The following BTG4 variants were observed in gnomAD, a reference collection of about 807,000 sequenced individuals.
BTG4 encodes the protein BTG anti-proliferation factor 4.
BTG4 carries 10 observed loss-of-function variants against 19.3 expected under a neutral mutation model. That is an observed-to-expected ratio of 0.52 (90% CI 0.32 to 0.88). BTG4 has a LOEUF of 0.88. BTG4 is among the 40% of genes least tolerant of loss of function. The probability of loss-of-function intolerance (pLI) is 0.04; values close to 1 mark genes in which losing one functional copy is unlikely to be tolerated. For synonymous variants in BTG4, 91 were observed against 95.7 expected, an observed-to-expected ratio of 0.95 and a Z score of 0.29; for missense variants, 238 against 281.9, an observed-to-expected ratio of 0.84 and a Z score of 1.11.
At chr11:111,407,558 C>G in the BTG4 span, among the ~76,000 whole-genome samples, 1,910 of 152,162 alleles carry the variant, frequency 0.013, 33 homozygotes, top group African/African-American at 0.042. Flanking sequence ...TGTAATCCCA[C>G]CTACTTGGGA....
the BTG4 span, among the ~76,000 whole-genome samples, chr11:111,439,586 T>A: frequency 6.6e-6 from 1 of 151,900 alleles, no homozygotes; most frequent in Non-Finnish European, 1.5e-5. Flanking sequence ...CCTATGTGTC[T>A]CTCAGGACCT....
intron 5 of BTG4, among the ~76,000 whole-genome samples, chr11:111,471,484 A>C (rs36091463): frequency 0.084 from 12,712 of 152,032 alleles, 750 homozygotes; most frequent in Non-Finnish European, 0.13. Flanking sequence ...CCTCCTTGAC[A>C]TATTTTTTTC....
At chr11:111,485,151 T>G (rs537462440) in intron 5 of BTG4, among the ~76,000 whole-genome samples, 1 of 152,026 alleles carries the variant, frequency 6.6e-6, no homozygotes, top group Non-Finnish European at 1.5e-5. Flanking sequence ...TGGACCTCAA[T>G]ACAATATCTG....
At chr11:111,506,490 G>A (rs1171714688) in intron 1 of BTG4, among the ~76,000 whole-genome samples, 1 of 152,002 alleles carries the variant, frequency 6.6e-6, no homozygotes, top group African/African-American at 2.4e-5. Flanking sequence ...AGGTGGGTGG[G>A]GAGGGTTGAA....
At chr11:111,464,163 AT>A, downstream of BTG4, among the ~76,000 whole-genome samples, 1 of 151,870 alleles carries the variant, frequency 6.6e-6, no homozygotes, top group East Asian at 1.9e-4. Flanking sequence ...TGCCCAGCTA[AT>A]TTTTTTGTAT....
the BTG4 span, among the ~76,000 whole-genome samples, chr11:111,407,261 ATATAT>A: frequency 4.0e-5 from 6 of 149,876 alleles, no homozygotes; most frequent in East Asian, 1.9e-4. Flanking sequence ...CATATCTAAC[ATATAT>A]TATATATACT....
intron 1 of BTG4, among the ~76,000 whole-genome samples, chr11:111,501,566 G>T (rs1003622926): frequency 6.6e-6 from 1 of 152,030 alleles, no homozygotes; most frequent in African/African-American, 2.4e-5. Context: ...GCAGAGAAAA[G>T]GATACAAAAA....
At chr11:111,406,123 G>C in the BTG4 span, among the ~76,000 whole-genome samples, 1 of 152,146 alleles carries the variant, frequency 6.6e-6, no homozygotes, top group African/African-American at 2.4e-5. Context: ...TAAGTGACTT[G>C]CTAAAAATCA....
At chr11:111,390,942 G>A in the BTG4 span, among the ~76,000 whole-genome samples, 1 of 152,324 alleles carries the variant, frequency 6.6e-6, no homozygotes, top group African/African-American at 2.4e-5. Flanking sequence ...GAGTTTGGAT[G>A]GCCCAATTTA....
At chr11:111,504,602 C>T (rs1487210582) in intron 1 of BTG4, among the ~76,000 whole-genome samples, 2 of 151,878 alleles carry the variant, frequency 1.3e-5, no homozygotes, top group Admixed American at 6.6e-5. Flanking sequence ...CAACATAGTA[C>T]TGGAAGTCCT....
intron 5 of BTG4, among the ~76,000 whole-genome samples, chr11:111,470,764 TA>T (rs1341073151): frequency 6.6e-6 from 1 of 151,484 alleles, no homozygotes; most frequent in Non-Finnish European, 1.5e-5. Flanking sequence ...AAAAATAAAA[TA>T]AAAATAAATT....
the BTG4 span, chr11:111,454,476 T>C: frequency 1.1e-5 from 4 of 365,100 alleles, no homozygotes; most frequent in South Asian, 8.4e-5. Flanking sequence ...ATATGGAACA[T>C]AGAGTCCTAA....
Position 111,498,640 on chromosome 11 carries a change from C to A in BTG4, c.137G>T (p.Trp46Leu). The A allele has an allele frequency of 6.2e-7, 1 of 1,613,726 alleles. No homozygotes were observed. The highest frequency in any genetic ancestry group is 1.1e-5 in the South Asian group (1 of 90,920). The part of the protein sequence containing the change: ...TILFETYRSH[W>L]HSDCPSKGQA... ...CCCTTTAGAAGGGCAATCAGAGTGC[C>A]AGTGACTTCTGTATGTTTCAAACAA... The change falls in exon 2 of 5, where the codon TGG becomes TTG. Residue 46 changes from tryptophan (W) to leucine (L), a missense_variant. Physicochemically the swap from Trp to Leu is moderately conservative, Grantham distance 61 (BLOSUM62 -2). Coordinates refer to ENST00000692032, the MANE Select transcript of BTG4 (RefSeq NM_001367975.1).
At chr11:111,412,203 A>C in the BTG4 span, among the ~76,000 whole-genome samples, 1 of 152,366 alleles carries the variant, frequency 6.6e-6, no homozygotes, top group African/African-American at 2.4e-5. Flanking sequence ...TACAATGCTC[A>C]AAGCCCACTT....
chr11:111,430,976 C>A, the BTG4 span, among the ~76,000 whole-genome samples: 3 of 152,158 alleles, frequency 2.0e-5, no homozygotes, highest in African/African-American at 7.2e-5. Context: ...AGGCAGTCAC[C>A]ACGTATACAA....
chr11:111,490,660 G>A (rs1044686232), downstream of BTG4, among the ~76,000 whole-genome samples: 8 of 152,140 alleles, frequency 5.3e-5, no homozygotes, highest in Admixed American at 2.6e-4. Context: ...ATGAGCACAA[G>A]ATGTTCAACA....
the BTG4 span, chr11:111,449,885 A>T: frequency 6.6e-6 from 1 of 152,312 alleles, no homozygotes; most frequent in East Asian, 1.9e-4. Flanking sequence ...CACTGAAGGC[A>T]TGGGGAGTCA....
At chr11:111,498,172 C>T (rs1865853998) in intron 2 of BTG4, 37 bp from the exon 3 acceptor site, 2 of 1,609,164 alleles carry the variant, frequency 1.2e-6, no homozygotes, top group Non-Finnish European at 1.7e-6. Flanking sequence ...GACATGATGA[C>T]AGACACTTTA....
downstream of BTG4, among the ~76,000 whole-genome samples, chr11:111,467,057 C>G (rs1353040668): frequency 6.6e-6 from 1 of 152,126 alleles, no homozygotes; most frequent in Non-Finnish European, 1.5e-5. Flanking sequence ...GTTATTTTAC[C>G]AATCCAAAGT....
Sources: allele counts gnomAD v4.1 joint callset (sites outside exome capture counted in the v4.1 genomes callset), GRCh38; gene constraint gnomAD v4.1.1; transcripts MANE v1.5; gene names NCBI Gene and HGNC (gene_info 2026-07-23, HGNC 2026-07-21).